TAFA1: variants seen among roughly 807,000 people sequenced by gnomAD.
TAFA1 encodes TAFA chemokine like family member 1.
A neutral mutation model predicts 18.5 loss-of-function variants in TAFA1; 4 were observed. The observed-to-expected ratio is 0.22, with a 90% CI of 0.11 to 0.49. TAFA1 has a LOEUF of 0.49. TAFA1 is among the 20% of genes least tolerant of loss of function. The pLI, the probability that TAFA1 is intolerant of heterozygous loss-of-function variation, is 0.98. For synonymous variants in TAFA1, 56 were observed against 55.2 expected (o/e 1.01, Z -0.06); for missense variants, 147 against 169.0 (o/e 0.87, Z 0.72).
chr3:68,159,043 A>G (rs550860683), intron 2 of TAFA1, among the ~76,000 whole-genome samples: 16 of 151,952 alleles, frequency 1.1e-4, no homozygotes, highest in South Asian at 8.4e-4. Flanking sequence ...GCATTGTTCA[A>G]TTTGCTGGGG....
At chr3:68,255,587 T>C (rs973995075) in intron 2 of TAFA1, among the ~76,000 whole-genome samples, 1 of 152,138 alleles carries the variant, frequency 6.6e-6, no homozygotes, top group Non-Finnish European at 1.5e-5. Flanking sequence ...TCCGTTCAGG[T>C]GATGCCAGGG....
At chr3:68,324,061 T>TA (rs2068736419) in intron 2 of TAFA1, among the ~76,000 whole-genome samples, 1 of 152,188 alleles carries the variant, frequency 6.6e-6, no homozygotes, top group Non-Finnish European at 1.5e-5. Context: ...AATTGTAGTA[T>TA]ATGCTTTCGA....
intron 2 of TAFA1, among the ~76,000 whole-genome samples, chr3:68,239,111 G>A (rs1241070938): frequency 6.6e-6 from 1 of 152,128 alleles, no homozygotes; most frequent in Non-Finnish European, 1.5e-5. Context: ...GTAGAGATGT[G>A]TGTATTTATA....
In TAFA1 at chr3:68,084,734, G is replaced by T. The variant is rs148913469; in HGVS notation, c.118+77990G>T. 1.5e-4 allele frequency among the ~76,000 whole-genome samples: 22 copies of T among 151,656 alleles called. No individual in the cohort carries two copies. The East Asian group carries it at 4.1e-3, about 28-fold the overall frequency. On this transcript the variant is annotated intron_variant, in intron 2 of 4. Transcript: ENST00000478136. ...AATCGCTTGAAGCCGGGAGGCGGAG[G>T]TTGCAGCGAGCCGAGATAGCGCCAT... is the stretch of plus-strand genomic sequence containing the variant.
At chr3:68,033,948 GATC>G (rs1704992298) in intron 2 of TAFA1, among the ~76,000 whole-genome samples, 1 of 152,152 alleles carries the variant, frequency 6.6e-6, no homozygotes, top group South Asian at 2.1e-4. Context: ...CAGGTTACAG[GATC>G]AATGTGAAAT....
Position 68,481,001 on chromosome 3 carries a change from G to A in TAFA1, c.260-57755G>A, listed in dbSNP as rs186790422. Reference sequence around the variant, plus strand: ...CCTGCCGTCATGTAAGATGTGACTTGCTCCTCCTTGCCTTCCACCATGATT... The same window carrying A: ...CCTGCCGTCATGTAAGATGTGACTTACTCCTCCTTGCCTTCCACCATGATT... On this transcript the variant is annotated intron_variant, in intron 3 of 4. Coordinates refer to ENST00000478136, the MANE Select transcript of TAFA1 (RefSeq NM_213609.4). 5.9e-3 allele frequency among the ~76,000 whole-genome samples: 893 copies of A among 152,256 alleles called. 12 individuals carry two copies. The highest frequency in any genetic ancestry group is 7.3e-3 in the Non-Finnish European group (495 of 68,008).
At chr3:68,376,849 A>C (rs1206876914) in intron 2 of TAFA1, among the ~76,000 whole-genome samples, 3 of 152,070 alleles carry the variant, frequency 2.0e-5, no homozygotes, top group Non-Finnish European at 2.9e-5. Flanking sequence ...GAGGGAGGTG[A>C]TTGGATCATG....
intron 2 of TAFA1, among the ~76,000 whole-genome samples, chr3:68,215,621 C>T (rs974013221): frequency 1.3e-5 from 2 of 151,988 alleles, no homozygotes; most frequent in East Asian, 1.9e-4. Context: ...TGATAAGGGA[C>T]GATGAGCCAT....
intron 2 of TAFA1, among the ~76,000 whole-genome samples, chr3:68,341,507 A>G (rs2069083035): frequency 6.6e-6 from 1 of 152,160 alleles, no homozygotes; most frequent in Non-Finnish European, 1.5e-5. Flanking sequence ...CATGGCTCCT[A>G]AACCATAATT....
chr3:68,515,222 G>A (rs893610479), intron 3 of TAFA1, among the ~76,000 whole-genome samples: 1 of 152,214 alleles, frequency 6.6e-6, no homozygotes, highest in Non-Finnish European at 1.5e-5. Flanking sequence ...TCTAAAAAGG[G>A]TGGGTGGAAG....
At chr3:68,149,212 G>A (rs1479382298) in intron 2 of TAFA1, among the ~76,000 whole-genome samples, 1 of 152,114 alleles carries the variant, frequency 6.6e-6, no homozygotes, top group Non-Finnish European at 1.5e-5. Context: ...CTTGGGGTGA[G>A]CCATTACACT....
intron 2 of TAFA1, among the ~76,000 whole-genome samples, chr3:68,199,007 T>C (rs2107034032): frequency 6.6e-6 from 1 of 151,738 alleles, no homozygotes; most frequent in Non-Finnish European, 1.5e-5. Context: ...CTTTGCATTT[T>C]GCATTTAGGT....
intron 2 of TAFA1, among the ~76,000 whole-genome samples, chr3:68,032,060 A>G (rs957438876): frequency 1.3e-5 from 2 of 152,066 alleles, no homozygotes; most frequent in African/African-American, 4.8e-5. Flanking sequence ...TTGCACTTTT[A>G]GTCTTAAATC....
At chr3:68,019,731 A>G (rs1704646328) in intron 2 of TAFA1, among the ~76,000 whole-genome samples, 1 of 152,120 alleles carries the variant, frequency 6.6e-6, no homozygotes. Flanking sequence ...CAGACCTGAA[A>G]TTTCCCTTTC....
intron 2 of TAFA1, among the ~76,000 whole-genome samples, chr3:68,292,569 C>A (rs1000577342): frequency 2.0e-5 from 3 of 152,180 alleles, no homozygotes; most frequent in African/African-American, 7.2e-5. Context: ...CTCTATCGCC[C>A]AAGCTGGAGT....
At chr3:68,221,330 G>C (rs527724388) in intron 2 of TAFA1, among the ~76,000 whole-genome samples, 9 of 152,206 alleles carry the variant, frequency 5.9e-5, no homozygotes, top group African/African-American at 2.2e-4. Context: ...GTCTAAAAAG[G>C]GGGGGATGGG....
At chr3:68,533,084 CAAA>C (rs57101788) in intron 3 of TAFA1, among the ~76,000 whole-genome samples, 3 of 90,668 alleles carry the variant, frequency 3.3e-5, no homozygotes. Flanking sequence ...GTAAGGAGAA[CAAA>C]AAAAAAAAAA....
intron 2 of TAFA1, among the ~76,000 whole-genome samples, chr3:68,108,797 TA>T (rs2065232964): frequency 6.6e-6 from 1 of 152,184 alleles, no homozygotes; most frequent in Non-Finnish European, 1.5e-5. Flanking sequence ...TTTATTATTA[TA>T]AAAACATAAT....
At chr3:68,354,220 T>C (rs2069322808) in intron 2 of TAFA1, among the ~76,000 whole-genome samples, 1 of 152,064 alleles carries the variant, frequency 6.6e-6, no homozygotes, top group African/African-American at 2.4e-5. Context: ...CAGGGTGATT[T>C]CTTTTAATGG....
Sources: gnomAD v4.1 joint callset for allele counts (sites outside exome capture counted in the v4.1 genomes callset) on GRCh38, gnomAD v4.1.1 for gene constraint, MANE v1.5 for transcripts, NCBI Gene and HGNC (gene_info 2026-07-23, HGNC 2026-07-21) for gene names.